The following ITGAM variants were observed in gnomAD, a reference collection of about 807,000 sequenced individuals.
ITGAM encodes the protein integrin subunit alpha M.
Under a neutral mutation model 137.5 loss-of-function variants are expected in ITGAM, and 79 were observed. The ratio of observed to expected loss-of-function variants is 0.57; its 90% CI spans 0.48 to 0.69. ITGAM has a LOEUF of 0.69. Ranked by LOEUF, ITGAM falls within the 30% of genes least tolerant of loss-of-function variation. The pLI is 0.00. For synonymous variants in ITGAM, 583 were observed against 592.3 expected (o/e 0.98, Z 0.23); for missense variants, 1,343 against 1,483.5 (o/e 0.91, Z 1.56).
intron 12 of ITGAM, among the ~76,000 whole-genome samples, chr16:31,286,441 G>T (rs550180717): frequency 6.6e-6 from 1 of 152,250 alleles, no homozygotes; most frequent in African/African-American, 2.4e-5. Context: ...CACAGTGGCT[G>T]GACTAATTTA....
chr16:31,329,606 T>G (rs2080553953), intron 24 of ITGAM, among the ~76,000 whole-genome samples, 192 bp from the exon 25 acceptor site: 1 of 151,150 alleles, frequency 6.6e-6, no homozygotes, highest in African/African-American at 2.4e-5. Flanking sequence ...TCCCACCGAG[T>G]AAGTGGGAGA....
intron 19 of ITGAM, 50 bp from the exon 20 acceptor site, chr16:31,325,213 A>G: frequency 6.4e-7 from 1 of 1,571,738 alleles, no homozygotes; most frequent in Non-Finnish European, 8.6e-7. Flanking sequence ...CAGGCTTGCC[A>G]CAGGGAAGCC....
intron 21 of ITGAM, among the ~76,000 whole-genome samples, chr16:31,325,830 T>G (rs1168551167): frequency 1.3e-5 from 2 of 151,648 alleles, no homozygotes; most frequent in Non-Finnish European, 1.5e-5. Context: ...CTTTAGGAGG[T>G]CGAGGCAGGA....
chr16:31,278,207 G>T (rs147355850), intron 12 of ITGAM, 98 bp downstream of exon 12: 2 of 1,323,004 alleles, frequency 1.5e-6, no homozygotes, highest in Non-Finnish European at 2.1e-6. Flanking sequence ...TGGCCCTCTT[G>T]TAAAGGAGGC....
intron 15 of ITGAM, 38 bp downstream of exon 15, chr16:31,321,409 T>G (rs1389204277): frequency 6.2e-7 from 1 of 1,613,778 alleles, no homozygotes; most frequent in Admixed American, 1.7e-5. Flanking sequence ...ACATTCTCCC[T>G]TGAAGGAATG....
At chr16:31,309,659 G>A (rs1424908048) in intron 14 of ITGAM, among the ~76,000 whole-genome samples, 1 of 152,100 alleles carries the variant, frequency 6.6e-6, no homozygotes, top group Non-Finnish European at 1.5e-5. Flanking sequence ...TACATTTAAG[G>A]TTAGTATTTT....
intron 7 of ITGAM, among the ~76,000 whole-genome samples, chr16:31,272,416 C>T (rs1210619906): frequency 2.3e-5 from 2 of 87,978 alleles, no homozygotes; most frequent in Non-Finnish European, 4.3e-5. Flanking sequence ...TCCTGAAGGC[C>T]AATTAACTAT....
intron 12 of ITGAM, among the ~76,000 whole-genome samples, chr16:31,288,870 G>A (rs547293032): frequency 6.6e-6 from 1 of 152,196 alleles, no homozygotes; most frequent in Non-Finnish European, 1.5e-5. Flanking sequence ...CTGACAAAGG[G>A]CTAATATCCA....
At chr16:31,278,259 A>G in intron 12 of ITGAM, 150 bp downstream of exon 12, 4 of 796,556 alleles carry the variant, frequency 5.0e-6, no homozygotes, top group Non-Finnish European at 5.9e-6. Context: ...TCAGCTTAGC[A>G]TTTGTGAATG....
chr16:31,282,465 A>G (rs898962831), intron 12 of ITGAM, among the ~76,000 whole-genome samples: 1 of 152,198 alleles, frequency 6.6e-6, no homozygotes, highest in African/African-American at 2.4e-5. Context: ...TCGGTTTACC[A>G]TTATGTAATG....
intron 12 of ITGAM, among the ~76,000 whole-genome samples, chr16:31,281,410 C>T (rs1465576894): frequency 6.6e-6 from 1 of 152,148 alleles, no homozygotes; most frequent in Non-Finnish European, 1.5e-5. Context: ...TGCTATTGGT[C>T]TATTCAGAGA....
At chr16:31,291,085 G>A (rs2080082232) in intron 12 of ITGAM, among the ~76,000 whole-genome samples, 2 of 142,910 alleles carry the variant, frequency 1.4e-5, no homozygotes, top group Admixed American at 1.3e-4. Context: ...AATAAATGGA[G>A]AGAGACGCTG....
Position 31,330,167 on chromosome 16 carries a change from G to C in ITGAM, c.3060+3G>C. 6.2e-7 allele frequency: 1 copy of C among 1,612,706 alleles called. No individual in the cohort carries two copies. Among genetic ancestry groups the C allele is most frequent in the South Asian group, 1.1e-5 (1 of 90,898 alleles). On this transcript the variant is annotated splice_donor_region_variant and intron_variant, in intron 26 of 29. Transcript: ENST00000544665. The stretch of plus-strand genomic sequence containing the variant: ...AGCTTCGGAAGGCCCCCGTGGTGGT[G>C]AGAAGCTAAGTCAGCCCCAGGGCCA...
intron 1 of ITGAM, among the ~76,000 whole-genome samples, chr16:31,261,198 CTTTTTTTTTTTTT>C (rs1017498448): frequency 4.1e-5 from 5 of 123,242 alleles, no homozygotes; most frequent in African/African-American, 1.4e-4. Flanking sequence ...ATGCTGCTAT[CTTTTTTTTTTTTT>C]TTTTTTTTTG....
chr16:31,272,046 GGCTTT>G lies in ITGAM; in HGVS notation c.704+56_704+60del, dbSNP rs2079847121. 3.7e-6 allele frequency: 6 copies of G among 1,606,530 alleles called. No homozygotes were observed. In the South Asian group the frequency reaches 6.6e-5, roughly 18 times the overall value. ...AGGGAGGAGGAGACACTTTTAGCTG[GGCTTT>G]GATGGATGAAGGGAGCCGTTCAGAC... On this transcript the variant is annotated intron_variant, in intron 7 of 29. Transcript: ENST00000544665.
At chr16:31,328,543 TTG>T (rs1188651470) in intron 23 of ITGAM, among the ~76,000 whole-genome samples, 1 of 150,750 alleles carries the variant, frequency 6.6e-6, no homozygotes, top group African/African-American at 2.4e-5. Flanking sequence ...GGGTGTGTAT[TTG>T]TGCGTGTGTG....
chr16:31,272,933 A>G (rs2079867387), intron 7 of ITGAM, among the ~76,000 whole-genome samples: 1 of 151,226 alleles, frequency 6.6e-6, no homozygotes, highest in South Asian at 2.1e-4. Flanking sequence ...CTCAGGGGAG[A>G]CGGAGCCCCT....
intron 14 of ITGAM, among the ~76,000 whole-genome samples, chr16:31,317,852 G>A (rs768139839): frequency 5.3e-5 from 8 of 152,124 alleles, no homozygotes; most frequent in Non-Finnish European, 7.4e-5. Context: ...ATGTTCAATA[G>A]GGAAATTGGC....
intron 8 of ITGAM, 126 bp from the exon 9 acceptor site, chr16:31,275,423 A>G (rs2079895702): frequency 3.0e-6 from 3 of 1,015,914 alleles, no homozygotes; most frequent in Admixed American, 4.5e-5. Flanking sequence ...ACCCTGTCCC[A>G]GGGACCTTCT....
Sources: allele counts gnomAD v4.1 joint callset (sites outside exome capture counted in the v4.1 genomes callset), GRCh38; gene constraint gnomAD v4.1.1; transcripts MANE v1.5; gene names NCBI Gene and HGNC (gene_info 2026-07-23, HGNC 2026-07-21).